KCNH5: variants seen among roughly 807,000 people sequenced by gnomAD.
KCNH5 encodes voltage-gated delayed rectifier potassium channel KCNH5.
In KCNH5, 46 loss-of-function variants were observed where a neutral mutation model predicts 96.1. The ratio of observed to expected loss-of-function variants is 0.48; its 90% CI spans 0.38 to 0.61. The LOEUF (loss-of-function observed/expected upper bound fraction) is 0.61. KCNH5 is among the 20% of genes least tolerant of loss of function. The pLI, the probability that KCNH5 is intolerant of heterozygous loss-of-function variation, is 0.00. For synonymous variants in KCNH5, 439 were observed against 449.8 expected (o/e 0.98, Z 0.30); for missense variants, 907 against 1,225.8 (o/e 0.74, Z 3.88).
chr14:62,997,579 C>T (rs1160758729), intron 4 of KCNH5, among the ~76,000 whole-genome samples: 1 of 152,008 alleles, frequency 6.6e-6, no homozygotes, highest in African/African-American at 2.4e-5. Context: ...ACTTGGTTGT[C>T]ATAATTCTTT....
chr14:62,813,670 A>T (rs1390159198), intron 8 of KCNH5, among the ~76,000 whole-genome samples: 1 of 152,174 alleles, frequency 6.6e-6, no homozygotes, highest in African/African-American at 2.4e-5. Flanking sequence ...TGACACAATT[A>T]AGTTATGCAC....
At chr14:63,003,994 C>T (rs756317485) in intron 3 of KCNH5, among the ~76,000 whole-genome samples, 2 of 152,094 alleles carry the variant, frequency 1.3e-5, no homozygotes, top group African/African-American at 4.8e-5. Context: ...AATCAGAGCA[C>T]TGGACCTACA....
chr14:63,027,510 T>C (rs2139619497), intron 1 of KCNH5, among the ~76,000 whole-genome samples: 1 of 151,742 alleles, frequency 6.6e-6, no homozygotes, highest in East Asian at 1.9e-4. Context: ...AGTTGTTATG[T>C]CTGATTGACT....
At chr14:62,803,705 C>T (rs1408259061) in intron 8 of KCNH5, among the ~76,000 whole-genome samples, 1 of 152,090 alleles carries the variant, frequency 6.6e-6, no homozygotes. Flanking sequence ...TAAAGACCCA[C>T]ATTAAAATGG....
chr14:63,040,582 C>T (rs921462027), intron 1 of KCNH5, among the ~76,000 whole-genome samples: 1 of 151,992 alleles, frequency 6.6e-6, no homozygotes, highest in Non-Finnish European at 1.5e-5. Flanking sequence ...TAAAGAAAAC[C>T]TTTCAAGAAA....
intron 1 of KCNH5, among the ~76,000 whole-genome samples, chr14:63,036,304 A>G (rs1420103075): frequency 6.6e-6 from 1 of 152,154 alleles, no homozygotes; most frequent in Non-Finnish European, 1.5e-5. Flanking sequence ...TCTTAAGATG[A>G]GTCAGTATAG....
At chr14:62,954,527 T>C (rs1345973751) in intron 6 of KCNH5, among the ~76,000 whole-genome samples, 1 of 152,184 alleles carries the variant, frequency 6.6e-6, no homozygotes, top group East Asian at 1.9e-4. Flanking sequence ...GGGGATCAAT[T>C]TGGAGGGCTT....
At chr14:63,020,082 A>G (rs1566543579) in intron 1 of KCNH5, among the ~76,000 whole-genome samples, 1 of 152,122 alleles carries the variant, frequency 6.6e-6, no homozygotes, top group Non-Finnish European at 1.5e-5. Context: ...GATGCTTACA[A>G]TCATCATGCA....
At chr14:62,978,361 G>A (rs1890540660) in intron 6 of KCNH5, among the ~76,000 whole-genome samples, 1 of 152,130 alleles carries the variant, frequency 6.6e-6, no homozygotes, top group African/African-American at 2.4e-5. Context: ...AGATTTGAGC[G>A]GTGTGCCTAC....
chr14:62,847,148 AT>A (rs906317546), intron 8 of KCNH5, among the ~76,000 whole-genome samples: 6 of 142,526 alleles, frequency 4.2e-5, no homozygotes, highest in East Asian at 2.3e-4. Context: ...ATTTTTATAT[AT>A]TTTTTATATA....
intron 7 of KCNH5, among the ~76,000 whole-genome samples, chr14:62,921,311 T>C (rs1188688536): frequency 6.6e-6 from 1 of 152,112 alleles, no homozygotes; most frequent in Non-Finnish European, 1.5e-5. Flanking sequence ...CTTTTCTAAA[T>C]AGAAAGAAGA....
At position 62,795,545 on chromosome 14, in the gene KCNH5, A is replaced by G. The variant is rs572244715; in HGVS notation, c.1822+6784T>C. ...GATGATGTGCATAGGTTGTATGCAA[A>G]TACTACACCATTTTACGTAAGGGAC... is the stretch of plus-strand genomic sequence containing the variant. On this transcript the variant is annotated intron_variant, in intron 9 of 10. Transcript: ENST00000322893. Among the ~76,000 whole-genome samples, 5 of 152,296 alleles carry G rather than the reference A, an allele frequency of 3.3e-5. No individual in the cohort carries two copies. The South Asian group carries it at 1.0e-3, about 32-fold the overall frequency.
At chr14:62,750,241 T>C (rs1885468454) in intron 10 of KCNH5, among the ~76,000 whole-genome samples, 1 of 152,222 alleles carries the variant, frequency 6.6e-6, no homozygotes, top group African/African-American at 2.4e-5. Flanking sequence ...AGTAAGCCTT[T>C]ACGTATAAAA....
intron 8 of KCNH5, among the ~76,000 whole-genome samples, chr14:62,832,785 T>G (rs1887382440): frequency 1.3e-5 from 2 of 152,318 alleles, no homozygotes; most frequent in South Asian, 4.1e-4. Context: ...TTTTCATTTT[T>G]TGGTAATAGC....
chr14:62,724,176 A>G (rs945882172), intron 10 of KCNH5, among the ~76,000 whole-genome samples: 2 of 152,220 alleles, frequency 1.3e-5, no homozygotes, highest in African/African-American at 4.8e-5. Context: ...AGCACTGGTT[A>G]TTAGTACCAC....
At chr14:62,783,988 A>G (rs956289492) in intron 9 of KCNH5, among the ~76,000 whole-genome samples, 1 of 151,072 alleles carries the variant, frequency 6.6e-6, no homozygotes, top group Non-Finnish European at 1.5e-5. Context: ...TGTATTTTAT[A>G]ATTATATGTT....
At chr14:62,810,353 G>A (rs1217935805) in intron 8 of KCNH5, among the ~76,000 whole-genome samples, 4 of 151,976 alleles carry the variant, frequency 2.6e-5, no homozygotes, top group Non-Finnish European at 5.9e-5. Flanking sequence ...ATGATTAAGG[G>A]TTCTCTTATA....
At chr14:62,779,658 T>A in intron 10 of KCNH5, 70 bp downstream of exon 10, 1 of 1,298,838 alleles carries the variant, frequency 7.7e-7, no homozygotes, top group Non-Finnish European at 1.0e-6. Flanking sequence ...TTCTCTACTC[T>A]TCAGCTAATA....
intron 7 of KCNH5, among the ~76,000 whole-genome samples, chr14:62,933,162 T>A (rs576324499): frequency 9.9e-5 from 15 of 152,218 alleles, no homozygotes; most frequent in African/African-American, 3.1e-4. Context: ...TAAAAAGTTA[T>A]AACCGCCTAA....
Sources: gnomAD v4.1 joint callset for allele counts (sites outside exome capture counted in the v4.1 genomes callset) on GRCh38, gnomAD v4.1.1 for gene constraint, MANE v1.5 for transcripts, NCBI Gene and HGNC (gene_info 2026-07-23, HGNC 2026-07-21) for gene names.